The following EXOC4 variants were observed in gnomAD, a reference collection of about 807,000 sequenced individuals.
The protein encoded by EXOC4 is SEC8-like 1.
Under a neutral mutation model 107.2 loss-of-function variants are expected in EXOC4, and 71 were observed. The observed-to-expected ratio is 0.66, with a 90% CI of 0.55 to 0.81. EXOC4 has a LOEUF of 0.81. Ranked by LOEUF, EXOC4 falls within the 30% of genes least tolerant of loss-of-function variation. The pLI is 0.00. For synonymous variants in EXOC4, 456 were observed against 441.2 expected (o/e 1.03, Z -0.42); for missense variants, 1,108 against 1,189.6 (o/e 0.93, Z 1.01).
intron 9 of EXOC4, among the ~76,000 whole-genome samples, chr7:133,536,517 A>G (rs915374798): frequency 3.3e-5 from 5 of 151,186 alleles, no homozygotes; most frequent in African/African-American, 7.3e-5. Context: ...AGTCATACCC[A>G]TTGTCTACCC....
chr7:133,830,554 C>T (rs1490630228), intron 11 of EXOC4, among the ~76,000 whole-genome samples: 5 of 152,078 alleles, frequency 3.3e-5, no homozygotes, highest in Admixed American at 6.5e-5. Flanking sequence ...GGGTAGGGTA[C>T]GTAAAAGCAA....
intron 6 of EXOC4, among the ~76,000 whole-genome samples, chr7:133,359,755 G>A (rs1291832456): frequency 6.6e-6 from 1 of 152,156 alleles, no homozygotes; most frequent in Admixed American, 6.6e-5. Flanking sequence ...TAGAAATGTA[G>A]AAGGAAACAA....
At chr7:133,431,525 G>T (rs1342401305) in intron 7 of EXOC4, among the ~76,000 whole-genome samples, 2 of 152,182 alleles carry the variant, frequency 1.3e-5, no homozygotes, top group Non-Finnish European at 2.9e-5. Context: ...GTTAGTACAG[G>T]TTTGCTATCT....
chr7:133,511,988 G>T (rs1292438894), intron 9 of EXOC4, among the ~76,000 whole-genome samples: 1 of 152,180 alleles, frequency 6.6e-6, no homozygotes, highest in Non-Finnish European at 1.5e-5. Flanking sequence ...TTCTCCTCCT[G>T]CTCAGCTTGG....
chr7:133,387,453 C>T (rs1198314857), intron 7 of EXOC4, among the ~76,000 whole-genome samples: 1 of 152,094 alleles, frequency 6.6e-6, no homozygotes, highest in Non-Finnish European at 1.5e-5. Context: ...AGAGTAGCAG[C>T]CCAAAGTTGG....
chr7:133,443,305 G>A (rs1798145584), intron 7 of EXOC4, among the ~76,000 whole-genome samples: 2 of 152,114 alleles, frequency 1.3e-5, no homozygotes, highest in South Asian at 4.1e-4. Context: ...GAGAGGCCCA[G>A]GGCAAGGGGA....
chr7:133,440,366 A>G (rs1235359475), intron 7 of EXOC4, among the ~76,000 whole-genome samples: 10 of 123,098 alleles, frequency 8.1e-5, no homozygotes, highest in Non-Finnish European at 1.3e-4. Flanking sequence ...CCACCCCCCC[A>G]TTACCTATTC....
chr7:133,817,005 A>G (rs1360424993), intron 10 of EXOC4, among the ~76,000 whole-genome samples: 1 of 152,206 alleles, frequency 6.6e-6, no homozygotes, highest in East Asian at 1.9e-4. Context: ...TTTTAATTTC[A>G]CAATAATTTG....
intron 14 of EXOC4, among the ~76,000 whole-genome samples, chr7:133,940,998 G>A (rs1161442249): frequency 2.0e-5 from 3 of 151,584 alleles, no homozygotes; most frequent in East Asian, 3.9e-4. Flanking sequence ...GAAAAAGTTT[G>A]CAGAAAATTA....
At chr7:133,636,895 A>T (rs894537881) in intron 10 of EXOC4, among the ~76,000 whole-genome samples, 2 of 152,248 alleles carry the variant, frequency 1.3e-5, no homozygotes, top group Non-Finnish European at 2.9e-5. Flanking sequence ...GCTGTGTAAC[A>T]TTCTTAAGAC....
chr7:134,027,513 C>T (rs1490502264), intron 17 of EXOC4, among the ~76,000 whole-genome samples: 1 of 151,914 alleles, frequency 6.6e-6, no homozygotes, highest in Non-Finnish European at 1.5e-5. Context: ...CAAAAATTAG[C>T]TAGGTGTGGT....
chr7:133,659,939 T>A (rs1803399527), intron 10 of EXOC4, among the ~76,000 whole-genome samples: 1 of 152,206 alleles, frequency 6.6e-6, no homozygotes, highest in South Asian at 2.1e-4. Flanking sequence ...CAGTAAGATA[T>A]GACTGAACTC....
At chr7:133,329,706 G>T (rs1474835918) in intron 5 of EXOC4, among the ~76,000 whole-genome samples, 3 of 152,182 alleles carry the variant, frequency 2.0e-5, no homozygotes, top group African/African-American at 7.2e-5. Flanking sequence ...GCTGGAGTTT[G>T]CTGGAGGTAC....
At chr7:133,344,598 G>A (rs1393406137) in intron 5 of EXOC4, among the ~76,000 whole-genome samples, 1 of 152,138 alleles carries the variant, frequency 6.6e-6, no homozygotes. Flanking sequence ...CCATCCAATA[G>A]CCAAAGGGCA....
chr7:133,605,577 A>G (rs772508097), intron 9 of EXOC4, among the ~76,000 whole-genome samples: 2 of 152,168 alleles, frequency 1.3e-5, no homozygotes, highest in African/African-American at 2.4e-5. Flanking sequence ...ATGAGTCAGT[A>G]CTTTGTTTTT....
intron 11 of EXOC4, among the ~76,000 whole-genome samples, chr7:133,877,351 A>T (rs2116426767): frequency 1.3e-5 from 2 of 152,126 alleles, no homozygotes; most frequent in Middle Eastern, 6.8e-3. Flanking sequence ...TAGACATGCG[A>T]GGTTTTTTTT....
chr7:133,941,805 C>T (rs1800434103), intron 14 of EXOC4, among the ~76,000 whole-genome samples: 1 of 149,888 alleles, frequency 6.7e-6, no homozygotes, highest in Non-Finnish European at 1.5e-5. Context: ...CGTCAGGTCC[C>T]AGGCATGCTT....
intron 6 of EXOC4, among the ~76,000 whole-genome samples, chr7:133,365,765 A>G (rs572472334): frequency 2.0e-5 from 3 of 152,188 alleles, no homozygotes; most frequent in Non-Finnish European, 4.4e-5. Flanking sequence ...AATGAAAAAT[A>G]GTAGCTCAGC....
chr7:133,424,446 G>A (rs772903930), intron 7 of EXOC4, among the ~76,000 whole-genome samples: 2 of 151,678 alleles, frequency 1.3e-5, no homozygotes, highest in South Asian at 2.1e-4. Flanking sequence ...AAGAAACTCC[G>A]GACACATCTG....
Sources: gnomAD v4.1 joint callset for allele counts (sites outside exome capture counted in the v4.1 genomes callset) on GRCh38, gnomAD v4.1.1 for gene constraint, MANE v1.5 for transcripts, NCBI Gene and HGNC (gene_info 2026-07-23, HGNC 2026-07-21) for gene names.